The following ALPK2 variants were observed in gnomAD, a reference collection of about 807,000 sequenced individuals.
The protein encoded by ALPK2 is alpha kinase 2.
A neutral mutation model predicts 163.1 loss-of-function variants in ALPK2; 127 were observed. The observed-to-expected ratio is 0.78, with a 90% confidence interval of 0.67 to 0.90. The LOEUF is 0.90. Ranked by LOEUF, ALPK2 falls within the 40% of genes least tolerant of loss-of-function variation. The pLI is 0.00. For synonymous variants in ALPK2, 953 were observed against 959.1 expected (o/e 0.99, Z 0.12); for missense variants, 2,360 against 2,589.6 (o/e 0.91, Z 1.92).
intron 1 of ALPK2, among the ~76,000 whole-genome samples, chr18:58,621,344 G>C (rs534248701): frequency 6.0e-5 from 9 of 150,496 alleles, no homozygotes; most frequent in South Asian, 4.2e-4. Context: ...GCACTATCTC[G>C]GCTCACTGCA....
At chr18:58,506,104 G>A (rs1020693283) in intron 10 of ALPK2, among the ~76,000 whole-genome samples, 3 of 152,110 alleles carry the variant, frequency 2.0e-5, no homozygotes, top group Non-Finnish European at 4.4e-5. Flanking sequence ...CCCTGTCCCT[G>A]AGTTCCCTGC....
intron 6 of ALPK2, among the ~76,000 whole-genome samples, chr18:58,524,527 A>G (rs1424531588): frequency 1.3e-5 from 2 of 152,106 alleles, no homozygotes; most frequent in Non-Finnish European, 2.9e-5. Context: ...AGTGTCCTGT[A>G]CTCCCCTAGT....
rs1175126123 is a variant in ALPK2 at position 58,538,033 on chromosome 18, C to T, written c.2154G>A (p.Gln718=). 3 of 1,614,060 alleles carry T rather than the reference C, an allele frequency of 1.9e-6. No homozygotes were observed. The highest frequency in any genetic ancestry group is 2.5e-6 in the Non-Finnish European group (3 of 1,180,038). The change falls in exon 5 of 13, where the codon CAG becomes CAA. Residue 718 remains glutamine, a synonymous_variant. Coordinates refer to ENST00000361673, the MANE Select transcript of ALPK2 (RefSeq NM_052947.4). The part of the protein sequence containing the change: ...SEVKPCTCGP[Q]HEEKQDRDGN... Reference sequence around the variant, plus strand: ...CATCTCTGTCTTGTTTTTCTTCATGCTGTGGACCACAGGTACAGGGTTTGA... The same window carrying T: ...CATCTCTGTCTTGTTTTTCTTCATGTTGTGGACCACAGGTACAGGGTTTGA...
chr18:58,504,375 A>G (rs998396560), intron 10 of ALPK2, among the ~76,000 whole-genome samples: 3 of 152,266 alleles, frequency 2.0e-5, no homozygotes, highest in Non-Finnish European at 2.9e-5. Context: ...TTGCTCATGT[A>G]GAAATGAATG....
chr18:58,569,064 A>C (rs1213389968), intron 4 of ALPK2, among the ~76,000 whole-genome samples: 1 of 152,180 alleles, frequency 6.6e-6, no homozygotes, highest in Non-Finnish European at 1.5e-5. Context: ...AAATAGAAAA[A>C]TTAGCCAGGT....
Position 58,534,818 on chromosome 18 carries a change from A to G in ALPK2, c.5353+16T>C. On this transcript the variant is annotated intron_variant, in intron 5 of 12. Coordinates refer to ENST00000361673, the MANE Select transcript of ALPK2 (RefSeq NM_052947.4). ...AGCCCAAACTTTAACAATGATGGAC[A>G]GCAACAGAACCTCACCTCTTCCTTC... The G allele has an allele frequency of 1.3e-6, 2 of 1,587,530 alleles. No homozygotes were observed. The highest frequency in any genetic ancestry group is 1.7e-6 in the Non-Finnish European group (2 of 1,169,780).
intron 6 of ALPK2, among the ~76,000 whole-genome samples, chr18:58,524,652 G>A (rs917060848): frequency 6.6e-6 from 1 of 152,204 alleles, no homozygotes; most frequent in African/African-American, 2.4e-5. Context: ...TGACAGTGAT[G>A]ATGATGCCAA....
At position 58,579,688 on chromosome 18, in the gene ALPK2, T is replaced by C. The variant is rs774380813; in HGVS notation, c.1088A>G (p.Glu363Gly). 6.2e-7 allele frequency: 1 copy of C among 1,614,038 alleles called. No individual in the cohort carries two copies. Among genetic ancestry groups the C allele is most frequent in the South Asian group, 1.1e-5 (1 of 91,062 alleles). ...HVFLLESDDE[E>G]MEFGEHCLGG... ...CAGGCAATGCTCACCGAATTCCATC[T>C]CTTCGTCATCGCTTTCTAATAAAAA... is the stretch of plus-strand genomic sequence containing the variant. Residue 363 changes from glutamate (E) to glycine (G), a missense_variant, in exon 4 of 13, where the codon GAG becomes GGG. Physicochemically the swap from Glu to Gly is moderately conservative, Grantham distance 98. Transcript: ENST00000361673.
chr18:58,619,229 C>T (rs2052185981), intron 1 of ALPK2, among the ~76,000 whole-genome samples: 1 of 152,088 alleles, frequency 6.6e-6, no homozygotes, highest in Non-Finnish European at 1.5e-5. Flanking sequence ...ACTTCACAGA[C>T]AAGATCGTAT....
In ALPK2 at chr18:58,529,617, A is replaced by G. The variant is rs780867910; in HGVS notation, c.5354-379T>C. 2.0e-5 allele frequency among the ~76,000 whole-genome samples: 3 copies of G among 152,246 alleles called. No individual in the cohort carries two copies. In the South Asian group the frequency reaches 6.2e-4, roughly 31 times the overall value. On this transcript the variant is annotated intron_variant, in intron 5 of 12. Transcript: ENST00000361673. Reference sequence around the variant, plus strand: ...GATCATCCAGGTCGAAATCAGAGCTAGGAATTAGGGAGTAGAATAAAATCT... The same window carrying G: ...GATCATCCAGGTCGAAATCAGAGCTGGGAATTAGGGAGTAGAATAAAATCT...
chr18:58,493,953 A>G (rs2051388259), intron 12 of ALPK2, among the ~76,000 whole-genome samples: 2 of 152,186 alleles, frequency 1.3e-5, no homozygotes, highest in South Asian at 4.1e-4. Flanking sequence ...GGGAGACTAC[A>G]AAGGGCAAAG....
rs745830282 is a variant in ALPK2 at position 58,535,805 on chromosome 18, A to G, written c.4382T>C (p.Ile1461Thr). The G allele has an allele frequency of 1.2e-6, 2 of 1,614,198 alleles. No individual in the cohort carries two copies. Among genetic ancestry groups the G allele is most frequent in the Non-Finnish European group, 8.5e-7 (1 of 1,180,034 alleles). Residue 1461 changes from isoleucine to threonine, a missense_variant, in exon 5 of 13, where the codon ATT becomes ACT. Ile to Thr is a moderately conservative substitution (Grantham distance 89). Transcript: ENST00000361673. ...ILQVPCLQGT[I>T]LSENRISRSQ... ...TCTGCTGATTCTATTTTCACTCAGA[A>G]TGGTTCCCTGGAGACATGGAACTTG...
chr18:58,576,720 A>G (rs2051923767), intron 4 of ALPK2, among the ~76,000 whole-genome samples: 1 of 152,232 alleles, frequency 6.6e-6, no homozygotes, highest in Non-Finnish European at 1.5e-5. Flanking sequence ...AATCTCAAAT[A>G]TGCCAGTCCC....
chr18:58,546,202 C>T (rs2051716675), intron 4 of ALPK2, among the ~76,000 whole-genome samples: 1 of 152,170 alleles, frequency 6.6e-6, no homozygotes. Context: ...TCCTAAACAC[C>T]CCTATATCTG....
intron 10 of ALPK2, among the ~76,000 whole-genome samples, chr18:58,514,354 C>G (rs2051509992): frequency 6.6e-6 from 1 of 152,162 alleles, no homozygotes; most frequent in African/African-American, 2.4e-5. Flanking sequence ...TTCCAACATG[C>G]ACTAGCTAAG....
Position 58,571,504 on chromosome 18 carries a change from T to C in ALPK2, c.1962+7310A>G, listed in dbSNP as rs996815643. On this transcript the variant is annotated intron_variant, in intron 4 of 12. Transcript: ENST00000361673. Reference sequence around the variant, plus strand: ...ATCAACTCAAAATGGATCATTGGCTTCAAATCTAAAACATAAAGCTATAAA... The same window carrying C: ...ATCAACTCAAAATGGATCATTGGCTCCAAATCTAAAACATAAAGCTATAAA... 3.4e-4 allele frequency among the ~76,000 whole-genome samples: 51 copies of C among 150,494 alleles called. 1 individual carries two copies. Among genetic ancestry groups the C allele is most frequent in the African/African-American group, 1.2e-3 (50 of 41,058 alleles).
chr18:58,561,397 G>A (rs985834500), intron 4 of ALPK2, among the ~76,000 whole-genome samples: 2 of 152,174 alleles, frequency 1.3e-5, no homozygotes, highest in African/African-American at 4.8e-5. Flanking sequence ...ATCTAAAAAG[G>A]GGTTGTCCTC....
chr18:58,528,549 A>G (rs914392496), intron 6 of ALPK2, among the ~76,000 whole-genome samples: 1 of 148,664 alleles, frequency 6.7e-6, no homozygotes, highest in African/African-American at 2.4e-5. Context: ...AAATAAAAAT[A>G]AAAATCATAG....
chr18:58,556,078 T>C (rs1475274307), intron 4 of ALPK2, among the ~76,000 whole-genome samples: 1 of 152,104 alleles, frequency 6.6e-6, no homozygotes, highest in East Asian at 1.9e-4. Flanking sequence ...AGCCTCGGCC[T>C]CCCAAAGTGC....
Sources: gnomAD v4.1 joint callset for allele counts (sites outside exome capture counted in the v4.1 genomes callset) on GRCh38, gnomAD v4.1.1 for gene constraint, MANE v1.5 for transcripts, NCBI Gene and HGNC (gene_info 2026-07-23, HGNC 2026-07-21) for gene names.